OSBPL9: variants seen among roughly 807,000 people sequenced by gnomAD.
OSBPL9 encodes the protein oxysterol binding protein like 9, also known as oxysterol-binding protein-related protein 9.
In OSBPL9, 40 loss-of-function variants were observed where a neutral mutation model predicts 106.6. That is an observed-to-expected ratio of 0.38 (90% confidence interval 0.29 to 0.49). OSBPL9 has a LOEUF of 0.49. Ranked by LOEUF, OSBPL9 falls within the 20% of genes least tolerant of loss-of-function variation. The pLI, the probability that OSBPL9 is intolerant of heterozygous loss-of-function variation, is 0.97. For missense variants in OSBPL9, 609 were observed against 887.2 expected (o/e 0.69, Z 3.98); for synonymous variants, 269 against 295.4 (o/e 0.91, Z 0.92).
chr1:51,710,887 C>G (rs1250558872), intron 3 of OSBPL9, among the ~76,000 whole-genome samples: 6 of 152,168 alleles, frequency 3.9e-5, no homozygotes, highest in Non-Finnish European at 8.8e-5. Flanking sequence ...CCTAGGACTT[C>G]TGAATGTCTT....
At chr1:51,637,822 A>G (rs1645545219) in intron 1 of OSBPL9, among the ~76,000 whole-genome samples, 1 of 152,216 alleles carries the variant, frequency 6.6e-6, no homozygotes, top group Non-Finnish European at 1.5e-5. Context: ...CATCAGACCA[A>G]AGTTATATGT....
intron 12 of OSBPL9, among the ~76,000 whole-genome samples, chr1:51,771,143 A>G (rs1340724525): frequency 6.6e-6 from 1 of 152,202 alleles, no homozygotes; most frequent in Non-Finnish European, 1.5e-5. Context: ...AAGTTTATTA[A>G]TTTAAAAAAA....
chr1:51,532,682 G>A, the OSBPL9 span, among the ~76,000 whole-genome samples: 1 of 152,140 alleles, frequency 6.6e-6, no homozygotes, highest in Non-Finnish European at 1.5e-5. Flanking sequence ...AGATTGTGCA[G>A]GGTAGGGATC....
At chr1:51,686,033 A>G (rs1007910269) in intron 3 of OSBPL9, among the ~76,000 whole-genome samples, 8 of 152,158 alleles carry the variant, frequency 5.3e-5, no homozygotes, top group Non-Finnish European at 1.2e-4. Flanking sequence ...GTCCTTGAAT[A>G]TGGATGATTT....
chr1:51,764,144 A>G (rs1422742814), intron 11 of OSBPL9, among the ~76,000 whole-genome samples: 1 of 152,184 alleles, frequency 6.6e-6, no homozygotes, highest in African/African-American at 2.4e-5. Flanking sequence ...TCTTGTTAAT[A>G]CAAAAAAGAA....
rs557395637 is a variant in OSBPL9, at chr1:51,647,604, A to G, written c.112-4387A>G. Among the ~76,000 whole-genome samples the G allele has an allele frequency of 3.4e-4, 51 of 151,662 alleles. No individual in the cohort carries two copies. In the South Asian group the frequency reaches 4.8e-3, roughly 14 times the overall value. On this transcript the variant is annotated intron_variant, in intron 1 of 23. Transcript: ENST00000428468. ...TATTTTACGTCTATTCAGATTTTCT[A>G]TTTTTTCTTTAGTCAGTTTTGGCAG... is the stretch of plus-strand genomic sequence containing the variant.
In OSBPL9 at chr1:51,739,132, A is replaced by G. The variant is rs148211857; in HGVS notation, c.319-6404A>G. Among the ~76,000 whole-genome samples the G allele has an allele frequency of 3.9e-5, 6 of 152,168 alleles. No homozygotes were observed. The East Asian group carries it at 1.2e-3, about 29-fold the overall frequency. ...CGTTTCCACTATGTCAAGGGCCTTC[A>G]GGCAGTTTTTAGATTACATTTTAGT... On this transcript the variant is annotated intron_variant, in intron 4 of 23. Coordinates refer to ENST00000428468, the MANE Select transcript of OSBPL9 (RefSeq NM_024586.6).
At chr1:51,559,249 G>C in the OSBPL9 span, among the ~76,000 whole-genome samples, 2 of 151,870 alleles carry the variant, frequency 1.3e-5, no homozygotes, top group African/African-American at 4.8e-5. Flanking sequence ...AAAGGGCAGG[G>C]ACCCCATGGT....
intron 3 of OSBPL9, among the ~76,000 whole-genome samples, chr1:51,671,081 A>G (rs1649755340): frequency 1.3e-5 from 2 of 152,242 alleles, no homozygotes; most frequent in African/African-American, 4.8e-5. Context: ...GGAAGGATTT[A>G]AATGATAAGA....
At chr1:51,684,178 A>T (rs1313843658) in intron 3 of OSBPL9, among the ~76,000 whole-genome samples, 2 of 151,928 alleles carry the variant, frequency 1.3e-5, no homozygotes, top group Non-Finnish European at 1.5e-5. Flanking sequence ...TAATTTATTT[A>T]TTTTTTATTT....
chr1:51,788,548 C>CAAAG lies in OSBPL9; in HGVS notation c.*765_*768dup, dbSNP rs887466073. 7.9e-5 allele frequency: 12 copies of CAAAG among 152,286 alleles called. No individual in the cohort carries two copies. The highest frequency in any genetic ancestry group is 1.3e-4 in the Non-Finnish European group (9 of 68,004). 9.4% of individuals were successfully genotyped at this position (152,286 alleles called of 1,614,324 possible). Reference sequence around the variant, plus strand: ...ACCTTGAATACAAGAGCTAGCTTTTCAAAGAAAGACACTTGAAATAATGGA... The same window carrying CAAAG: ...ACCTTGAATACAAGAGCTAGCTTTTCAAAGAAAGAAAGACACTTGAAATAATGGA... On this transcript the variant is annotated 3_prime_UTR_variant, in exon 24 of 24. Coordinates refer to ENST00000428468, the MANE Select transcript of OSBPL9 (RefSeq NM_024586.6).
At chr1:51,552,405 A>C in the OSBPL9 span, among the ~76,000 whole-genome samples, 1 of 152,290 alleles carries the variant, frequency 6.6e-6, no homozygotes, top group East Asian at 1.9e-4. Context: ...ATTATTCTCC[A>C]CTTATAGATG....
chr1:51,770,252 A>G (rs545834228), intron 12 of OSBPL9, among the ~76,000 whole-genome samples: 2 of 151,574 alleles, frequency 1.3e-5, no homozygotes, highest in South Asian at 4.2e-4. Context: ...AACGATTCTC[A>G]TGTCTCAGTC....
intron 1 of OSBPL9, among the ~76,000 whole-genome samples, chr1:51,587,559 C>T (rs1461202327): frequency 6.6e-6 from 1 of 152,134 alleles, no homozygotes; most frequent in African/African-American, 2.4e-5. Flanking sequence ...TTCCTTCCTT[C>T]TTCCTTCAAA....
chr1:51,597,455 GTGTGTA>G (rs1427866890), intron 1 of OSBPL9, among the ~76,000 whole-genome samples: 145 of 141,734 alleles, frequency 1.0e-3, no homozygotes, highest in Admixed American at 3.0e-3. Flanking sequence ...GTGTGTGTGT[GTGTGTA>G]TATACACACA....
intron 8 of OSBPL9, among the ~76,000 whole-genome samples, chr1:51,751,631 C>T (rs12075633): frequency 0.057 from 8,664 of 152,136 alleles, 470 homozygotes; most frequent in African/African-American, 0.14. Context: ...ACCAGTAAAC[C>T]ACACCATGCC....
At chr1:51,619,774 A>C (rs1020591094) in intron 1 of OSBPL9, among the ~76,000 whole-genome samples, 1 of 152,238 alleles carries the variant, frequency 6.6e-6, no homozygotes, top group Non-Finnish European at 1.5e-5. Flanking sequence ...ACATGACATT[A>C]TTTCAGTCCA....
At chr1:51,747,927 C>T (rs1361526675) in intron 6 of OSBPL9, among the ~76,000 whole-genome samples, 4 of 152,082 alleles carry the variant, frequency 2.6e-5, no homozygotes, top group Non-Finnish European at 4.4e-5. Flanking sequence ...GTAGGTGGGA[C>T]TACAGGTGCC....
chr1:51,602,018 C>CTTTTTTTTTTTTTTTTTTTTTTTTTTT (rs758760414), intron 2 of OSBPL9, among the ~76,000 whole-genome samples: 1 of 76,406 alleles, frequency 1.3e-5, no homozygotes, highest in East Asian at 4.4e-4. Context: ...TCTTGGGGTT[C>CTTTTTTTTTTTTTTTTTTTTTTTTTTT]TTTTTTTTTT....
Sources: gnomAD v4.1 joint callset for allele counts (sites outside exome capture counted in the v4.1 genomes callset) on GRCh38, gnomAD v4.1.1 for gene constraint, MANE v1.5 for transcripts, NCBI Gene and HGNC (gene_info 2026-07-23, HGNC 2026-07-21) for gene names.